METTL15: variants seen among roughly 807,000 people sequenced by gnomAD.
The protein encoded by METTL15 is methyltransferase 15, mitochondrial 12S rRNA N4-cytidine, also known as 12S rRNA N(4)-cytidine methyltransferase METTL15.
Under a neutral mutation model 38.3 loss-of-function variants are expected in METTL15, and 34 were observed. The ratio of observed to expected loss-of-function variants is 0.89; its 90% confidence interval spans 0.68 to 1.18. METTL15 has a LOEUF of 1.18. METTL15 is among the 50% of genes most tolerant of loss of function. The pLI, the probability that METTL15 is intolerant of heterozygous loss-of-function variation, is 0.00. For synonymous variants in METTL15, 162 were observed against 170.9 expected, an observed-to-expected ratio of 0.95 and a Z score of 0.41; for missense variants, 438 against 498.4, an observed-to-expected ratio of 0.88 and a Z score of 1.15.
chr11:28,177,201 G>A (rs562018348), intron 3 of METTL15, among the ~76,000 whole-genome samples: 2 of 152,092 alleles, frequency 1.3e-5, no homozygotes, highest in African/African-American at 4.8e-5. Flanking sequence ...TAAACTTTGT[G>A]TTAAAATAGT....
chr11:28,217,928 TG>T (rs2078905998), intron 4 of METTL15, among the ~76,000 whole-genome samples: 1 of 152,212 alleles, frequency 6.6e-6, no homozygotes, highest in South Asian at 2.1e-4. Context: ...ATCTCTGTTT[TG>T]GTACCAGTAC....
chr11:28,168,383 T>A (rs1240013278), intron 3 of METTL15, among the ~76,000 whole-genome samples: 1 of 151,348 alleles, frequency 6.6e-6, no homozygotes, highest in Non-Finnish European at 1.5e-5. Flanking sequence ...CTTAAATAGA[T>A]CATATTGAGT....
intron 3 of METTL15, among the ~76,000 whole-genome samples, chr11:28,150,925 G>A (rs1850061724): frequency 6.8e-6 from 1 of 147,508 alleles, no homozygotes; most frequent in African/African-American, 2.5e-5. Context: ...GTAAATCCAT[G>A]CCAGAAAGTT....
intron 4 of METTL15, among the ~76,000 whole-genome samples, chr11:28,244,341 T>G (rs961545829): frequency 6.6e-6 from 1 of 152,240 alleles, no homozygotes; most frequent in African/African-American, 2.4e-5. Context: ...AAAATTCTGC[T>G]TGAATTTTAA....
At chr11:28,160,447 C>G (rs1167310770) in intron 3 of METTL15, among the ~76,000 whole-genome samples, 2 of 151,924 alleles carry the variant, frequency 1.3e-5, no homozygotes, top group Admixed American at 1.3e-4. Context: ...AACTAAAGAC[C>G]TGGCTTAAGT....
rs571071823 is a variant in METTL15 at position 28,212,347 on chromosome 11, A to G, written c.407+1149A>G. On this transcript the variant is annotated intron_variant, in intron 4 of 6. Transcript: ENST00000407364. ...TAATGACATGGTACTAATTTTTAATATTTTAAATCTATCTGTCTTCTGCAG... is the reference window on the plus strand; with the variant it reads ...TAATGACATGGTACTAATTTTTAATGTTTTAAATCTATCTGTCTTCTGCAG... 2.0e-5 allele frequency among the ~76,000 whole-genome samples: 3 copies of G among 152,250 alleles called. No individual in the cohort carries two copies. In the South Asian group the frequency reaches 6.2e-4, roughly 32 times the overall value.
chr11:28,438,397 G>A (rs1011969912), intron 6 of METTL15, among the ~76,000 whole-genome samples: 1 of 152,198 alleles, frequency 6.6e-6, no homozygotes, highest in African/African-American at 2.4e-5. Context: ...ACATCGGGTT[G>A]TCTGGTAGAT....
chr11:28,268,328 A>T (rs1415299831), intron 4 of METTL15, among the ~76,000 whole-genome samples: 1 of 151,902 alleles, frequency 6.6e-6, no homozygotes, highest in Non-Finnish European at 1.5e-5. Context: ...AAATATAATT[A>T]CCTTTTTTGA....
chr11:28,310,914 CTGGTGGTGGTGGTGGTGG>C (rs1176508624), intron 6 of METTL15, among the ~76,000 whole-genome samples: 11 of 110,124 alleles, frequency 1.0e-4, no homozygotes, highest in African/African-American at 2.5e-4. Flanking sequence ...GCTGCTGCTG[CTGGTGGTGGTGGTGGTGG>C]TGGTGGTGGT....
At chr11:28,230,768 C>G (rs1853654216) in intron 4 of METTL15, among the ~76,000 whole-genome samples, 1 of 151,894 alleles carries the variant, frequency 6.6e-6, no homozygotes, top group African/African-American at 2.4e-5. Context: ...AGACAAACAG[C>G]TGCTGGATTG....
chr11:28,114,296 G>A (rs1851851008), intron 3 of METTL15, among the ~76,000 whole-genome samples: 1 of 152,114 alleles, frequency 6.6e-6, no homozygotes, highest in Admixed American at 6.5e-5. Context: ...CCATGGTGTT[G>A]CATGTATCTG....
At chr11:28,480,681 T>G (rs1232023596) in intron 6 of METTL15, among the ~76,000 whole-genome samples, 1 of 152,202 alleles carries the variant, frequency 6.6e-6, no homozygotes, top group African/African-American at 2.4e-5. Flanking sequence ...AATCGTATAT[T>G]ATTGTTTCAC....
At chr11:28,485,602 G>T (rs1851431674) in intron 6 of METTL15, among the ~76,000 whole-genome samples, 2 of 152,164 alleles carry the variant, frequency 1.3e-5, no homozygotes, top group South Asian at 4.1e-4. Flanking sequence ...GGTGGAGCAG[G>T]TTATGGGGAG....
At chr11:28,183,186 G>A (rs867260610) in intron 3 of METTL15, among the ~76,000 whole-genome samples, 3 of 151,688 alleles carry the variant, frequency 2.0e-5, no homozygotes, top group Admixed American at 6.6e-5. Flanking sequence ...CTAAATATAC[G>A]CTCATGTCAT....
intron 5 of METTL15, among the ~76,000 whole-genome samples, chr11:28,383,166 GT>G (rs1850406632): frequency 6.6e-6 from 1 of 151,902 alleles, no homozygotes; most frequent in South Asian, 2.1e-4. Flanking sequence ...CCTTCTTTGT[GT>G]TCATGTGTTC....
chr11:28,284,798 G>A (rs1381669569), intron 4 of METTL15, among the ~76,000 whole-genome samples: 3 of 152,128 alleles, frequency 2.0e-5, no homozygotes, highest in Non-Finnish European at 2.9e-5. Flanking sequence ...AGGCAGACTG[G>A]AACACATTTA....
intron 5 of METTL15, among the ~76,000 whole-genome samples, chr11:28,379,459 A>G (rs555866277): frequency 2.0e-5 from 3 of 152,150 alleles, no homozygotes; most frequent in African/African-American, 4.8e-5. Context: ...TCATTTCTTC[A>G]TTGACCCATT....
chr11:28,290,495 T>C (rs1310432989), intron 5 of METTL15, 98 bp downstream of exon 5: 3 of 1,049,592 alleles, frequency 2.9e-6, no homozygotes, highest in Non-Finnish European at 4.2e-6. Context: ...TTCCATTACA[T>C]GCCTACACCT....
chr11:28,527,981 A>C (rs1227376405), downstream of METTL15, among the ~76,000 whole-genome samples: 1 of 152,226 alleles, frequency 6.6e-6, no homozygotes, highest in Non-Finnish European at 1.5e-5. Context: ...TCTCAAAGTA[A>C]TTGCCAACTG....
Sources: allele counts gnomAD v4.1 joint callset (sites outside exome capture counted in the v4.1 genomes callset), GRCh38; gene constraint gnomAD v4.1.1; transcripts MANE v1.5; gene names NCBI Gene and HGNC (gene_info 2026-07-23, HGNC 2026-07-21).